The following CRACD variants were observed in gnomAD, a reference collection of about 807,000 sequenced individuals.
CRACD encodes capping protein-inhibiting regulator of actin dynamics.
CRACD carries 56 observed loss-of-function variants against 106.8 expected under a neutral mutation model. That is an observed-to-expected ratio of 0.52 (90% CI 0.42 to 0.66). The LOEUF (loss-of-function observed/expected upper bound fraction) is 0.66, where lower values mean the gene tolerates loss of function less well. Ranked by LOEUF, CRACD falls within the 30% of genes least tolerant of loss-of-function variation. The pLI, the probability that CRACD is intolerant of heterozygous loss-of-function variation, is 0.00. For missense variants in CRACD, 1,730 were observed against 1,623.2 expected (o/e 1.07, Z -1.13); for synonymous variants, 754 against 670.8 (o/e 1.12, Z -1.92).
At chr4:56,225,398 A>G (rs560341940) in intron 2 of CRACD, among the ~76,000 whole-genome samples, 2 of 152,212 alleles carry the variant, frequency 1.3e-5, no homozygotes, top group African/African-American at 4.8e-5. Context: ...CAGCCTCAAC[A>G]TGGTTATTTT....
intron 1 of CRACD, among the ~76,000 whole-genome samples, chr4:56,115,038 T>C (rs1319069442): frequency 3.3e-5 from 5 of 152,022 alleles, no homozygotes; most frequent in African/African-American, 9.7e-5. Context: ...AATAAAATGT[T>C]GTGGGAGGTC....
intron 2 of CRACD, among the ~76,000 whole-genome samples, chr4:56,212,963 A>G (rs912597044): frequency 2.6e-5 from 4 of 152,018 alleles, no homozygotes; most frequent in Admixed American, 2.6e-4. Flanking sequence ...CTCACAACAC[A>G]AATCTGTGGA....
intron 1 of CRACD, among the ~76,000 whole-genome samples, chr4:56,134,833 A>G (rs1467128128): frequency 1.3e-5 from 2 of 152,166 alleles, no homozygotes; most frequent in African/African-American, 2.4e-5. Flanking sequence ...GGAAGAAGGG[A>G]GATGAGCAGG....
intron 1 of CRACD, among the ~76,000 whole-genome samples, chr4:56,141,022 G>T (rs535617582): frequency 6.6e-6 from 1 of 152,280 alleles, no homozygotes; most frequent in East Asian, 1.9e-4. Context: ...TGGAGGCCCA[G>T]AATAACTTCT....
At chr4:56,318,248 A>G (rs1745817671) in intron 8 of CRACD, among the ~76,000 whole-genome samples, 1 of 152,030 alleles carries the variant, frequency 6.6e-6, no homozygotes, top group Admixed American at 6.6e-5. Context: ...CCTCCTGCCT[A>G]AGCCTCCTCG....
Position 56,154,200 on chromosome 4 carries a change from G to T in CRACD, c.-335-25084G>T, listed in dbSNP as rs547849768. ...ATGATTGTTGGCCGGGCATGGTGGCGCATGCCTGTAATCTCAGCACTTTCG... is the reference window on the plus strand; with the variant it reads ...ATGATTGTTGGCCGGGCATGGTGGCTCATGCCTGTAATCTCAGCACTTTCG... On this transcript the variant is annotated intron_variant, in intron 1 of 10. Transcript: ENST00000682029. Among the ~76,000 whole-genome samples the T allele has an allele frequency of 2.0e-5, 3 of 152,112 alleles. No individual in the cohort carries two copies. The South Asian group carries it at 6.2e-4, about 32-fold the overall frequency.
chr4:56,057,478 T>A (rs568610252), intron 1 of CRACD, among the ~76,000 whole-genome samples: 29 of 152,330 alleles, frequency 1.9e-4, no homozygotes, highest in South Asian at 1.4e-3. Flanking sequence ...TGTTTAGGCT[T>A]AGTTTTACCT....
At chr4:56,056,118 G>A (rs1732051856) in intron 1 of CRACD, among the ~76,000 whole-genome samples, 2 of 152,098 alleles carry the variant, frequency 1.3e-5, no homozygotes, top group African/African-American at 4.8e-5. Flanking sequence ...GTTATACTTT[G>A]TTCTGAGTAT....
At chr4:56,106,080 C>G (rs988442693) in intron 1 of CRACD, among the ~76,000 whole-genome samples, 7 of 152,170 alleles carry the variant, frequency 4.6e-5, no homozygotes, top group Admixed American at 4.6e-4. Flanking sequence ...TGTAGAACTT[C>G]CAGGCGCAGG....
chr4:56,166,136 G>A (rs1736134431), intron 1 of CRACD, among the ~76,000 whole-genome samples: 1 of 152,142 alleles, frequency 6.6e-6, no homozygotes, highest in South Asian at 2.1e-4. Context: ...GATTACAGGT[G>A]TGAGCCACTG....
At chr4:56,248,408 A>C (rs1392039748) in intron 2 of CRACD, among the ~76,000 whole-genome samples, 1 of 152,156 alleles carries the variant, frequency 6.6e-6, no homozygotes, top group Non-Finnish European at 1.5e-5. Context: ...CTAAGTATTT[A>C]TTAAGTGCCT....
intron 10 of CRACD, 71 bp from the exon 11 acceptor site, chr4:56,327,573 G>C: frequency 7.2e-7 from 1 of 1,380,982 alleles, no homozygotes; most frequent in Middle Eastern, 2.4e-4. Flanking sequence ...TTTATCATCT[G>C]TTAATTAAAA....
Position 56,090,642 on chromosome 4 carries a change from G to A in CRACD, c.-336+41343G>A, listed in dbSNP as rs146909016. 6.0e-3 allele frequency among the ~76,000 whole-genome samples: 915 copies of A among 152,220 alleles called. 9 individuals are homozygous for A. The highest frequency in any genetic ancestry group is 0.016 in the African/African-American group (659 of 41,546). ...ACTCCTGAGCTCAGGTGATCTGCCC[G>A]CCTTGGTCTCCCGAAGTGCTGGGGT... On this transcript the variant is annotated intron_variant, in intron 1 of 10. Coordinates refer to ENST00000682029, the MANE Select transcript of CRACD (RefSeq NM_001393381.1).
chr4:56,148,282 T>C (rs115653466), intron 1 of CRACD, among the ~76,000 whole-genome samples: 1 of 85,782 alleles, frequency 1.2e-5, no homozygotes, highest in Admixed American at 1.1e-4. Context: ...GTTTTTTTTT[T>C]AAAAAAAAAA....
Position 56,214,249 on chromosome 4 carries a change from A to AT in CRACD, c.-189+34827dup, listed in dbSNP as rs1019247210. 4.6e-5 allele frequency among the ~76,000 whole-genome samples: 7 copies of AT among 152,060 alleles called. No homozygotes were observed. In the East Asian group the frequency reaches 7.7e-4, roughly 17 times the overall value. The stretch of plus-strand genomic sequence containing the variant: ...GAAAGGGGTGAGAGGGCTCTCTCAG[A>AT]TTTTTTTTGTAATTAAAAAAAAATA... On this transcript the variant is annotated intron_variant, in intron 2 of 10. Coordinates refer to ENST00000682029, the MANE Select transcript of CRACD (RefSeq NM_001393381.1).
At chr4:56,066,831 T>TAATG (rs920907905) in intron 1 of CRACD, among the ~76,000 whole-genome samples, 2 of 151,962 alleles carry the variant, frequency 1.3e-5, no homozygotes, top group Admixed American at 6.6e-5. Context: ...CTGCAGGAAA[T>TAATG]AATGAATGAA....
chr4:56,074,537 G>A (rs1732767512), intron 1 of CRACD, among the ~76,000 whole-genome samples: 1 of 152,150 alleles, frequency 6.6e-6, no homozygotes. Flanking sequence ...CATTGATTTT[G>A]TATCCCGATA....
intron 1 of CRACD, among the ~76,000 whole-genome samples, chr4:56,110,875 G>T (rs1734099542): frequency 1.3e-5 from 2 of 152,290 alleles, no homozygotes; most frequent in African/African-American, 4.8e-5. Context: ...GGGATTACAG[G>T]TGTGAGCCGC....
In CRACD at chr4:56,193,553, C is replaced by T. The variant is rs569910532; in HGVS notation, c.-189+14123C>T. 6.6e-5 allele frequency among the ~76,000 whole-genome samples: 10 copies of T among 152,240 alleles called. 1 individual carries two copies. In the South Asian group the frequency reaches 2.1e-3, roughly 32 times the overall value. ...TCCTTCCCAAATTGTTCCTTTCACT[C>T]CAGCATATAATTTTCCCTAAAAGAA... is the stretch of plus-strand genomic sequence containing the variant. On this transcript the variant is annotated intron_variant, in intron 2 of 10. Coordinates refer to ENST00000682029, the MANE Select transcript of CRACD (RefSeq NM_001393381.1).
Sources: allele counts gnomAD v4.1 joint callset (sites outside exome capture counted in the v4.1 genomes callset), GRCh38; gene constraint gnomAD v4.1.1; transcripts MANE v1.5; gene names NCBI Gene and HGNC (gene_info 2026-07-23, HGNC 2026-07-21).